The following TSHR variants were observed in gnomAD, a reference collection of about 807,000 sequenced individuals.
TSHR encodes the protein thyrotropin receptor.
In TSHR, 51 loss-of-function variants were observed where a neutral mutation model predicts 64.1. That is an observed-to-expected ratio of 0.80 (90% CI 0.64 to 1.01). The LOEUF (loss-of-function observed/expected upper bound fraction) is 1.01, where lower values mean the gene tolerates loss of function less well. Ranked by LOEUF, TSHR falls within the 50% of genes least tolerant of loss-of-function variation. The pLI, the probability that TSHR is intolerant of heterozygous loss-of-function variation, is 0.00. For missense variants in TSHR, 877 were observed against 942.8 expected, an observed-to-expected ratio of 0.93 and a Z score of 0.91; for synonymous variants, 361 against 361.9, an observed-to-expected ratio of 1.00 and a Z score of 0.03.
At chr14:81,087,293 A>G (rs1888355357) in intron 3 of TSHR, among the ~76,000 whole-genome samples, 1 of 152,258 alleles carries the variant, frequency 6.6e-6, no homozygotes, top group Non-Finnish European at 1.5e-5. Flanking sequence ...TTAACCAGTG[A>G]GAGTTCATTT....
intron 8 of TSHR, among the ~76,000 whole-genome samples, chr14:81,138,807 T>A (rs75310282): frequency 0.025 from 3,766 of 152,288 alleles, 66 homozygotes; most frequent in South Asian, 0.049. Context: ...ATATTTTAAT[T>A]GACAAAATAT....
chr14:81,113,017 T>C (rs931791943), intron 8 of TSHR, among the ~76,000 whole-genome samples: 1 of 152,128 alleles, frequency 6.6e-6, no homozygotes, highest in Non-Finnish European at 1.5e-5. Flanking sequence ...GGGGAAGCCA[T>C]AGGAGCATTT....
intron 6 of TSHR, 134 bp from the exon 7 acceptor site, chr14:81,096,505 T>C (rs1889200440): frequency 1.2e-6 from 1 of 810,082 alleles, no homozygotes; most frequent in South Asian, 1.5e-5. Flanking sequence ...AGTTTTCTTG[T>C]GGGATACATA....
At chr14:81,033,187 A>C (rs1186048592) in intron 1 of TSHR, 1 of 442,170 alleles carries the variant, frequency 2.3e-6, no homozygotes, top group Non-Finnish European at 4.4e-6. Context: ...TGAATGGATC[A>C]CTAATGATAT....
chr14:80,996,712 G>A (rs948567785), intron 1 of TSHR, among the ~76,000 whole-genome samples: 2 of 152,036 alleles, frequency 1.3e-5, no homozygotes, highest in Admixed American at 1.3e-4. Flanking sequence ...AGTGGGGGAG[G>A]GGGGACTCTC....
At chr14:81,135,526 A>C (rs1891417365) in intron 8 of TSHR, among the ~76,000 whole-genome samples, 1 of 152,220 alleles carries the variant, frequency 6.6e-6, no homozygotes, top group Non-Finnish European at 1.5e-5. Context: ...GGTGGTAGCA[A>C]TGAGAACCAT....
intron 8 of TSHR, among the ~76,000 whole-genome samples, chr14:81,130,763 G>T (rs1367905159): frequency 1.1e-5 from 1 of 90,762 alleles, no homozygotes; most frequent in Non-Finnish European, 1.9e-5. Flanking sequence ...AGGCCGAGGC[G>T]GGTGGATCAT....
chr14:81,054,435 C>T (rs1358371301), intron 1 of TSHR, among the ~76,000 whole-genome samples: 5 of 152,140 alleles, frequency 3.3e-5, no homozygotes, highest in Admixed American at 6.6e-5. Flanking sequence ...AATGTGGAAG[C>T]GACTTTGGAA....
At chr14:81,075,239 G>A (rs186097020) in intron 3 of TSHR, among the ~76,000 whole-genome samples, 1 of 152,142 alleles carries the variant, frequency 6.6e-6, no homozygotes, top group African/African-American at 2.4e-5. Flanking sequence ...CACCTTGTTT[G>A]CATCCCTCCC....
chr14:81,103,731 ACATT>A lies in TSHR; in HGVS notation c.615-4639_615-4636del. On this transcript the variant is annotated intron_variant, in intron 7 of 9. Coordinates refer to ENST00000298171, the MANE Select transcript of TSHR (RefSeq NM_000369.5). The surrounding 1 kb of genome is among the most constrained non-coding windows in gnomAD (Gnocchi z 4.1). Reference sequence around the variant, plus strand: ...TGTACTTGGTCACAAGTTAAGTCACACATTCATTGTTTGGAATTTCTTTTCCATC... The same window carrying A: ...TGTACTTGGTCACAAGTTAAGTCACACATTGTTTGGAATTTCTTTTCCATC... The A allele has an allele frequency of 1.0e-6, 1 of 985,476 alleles. No individual in the cohort carries two copies. Among genetic ancestry groups the A allele is most frequent in the Non-Finnish European group, 1.2e-6 (1 of 829,944 alleles). The allele number at this position is 985,476 out of a possible 1,614,324, so 61.0% of individuals were successfully genotyped here.
At chr14:81,017,376 C>T (rs1883468730) in intron 1 of TSHR, among the ~76,000 whole-genome samples, 1 of 152,088 alleles carries the variant, frequency 6.6e-6, no homozygotes, top group Non-Finnish European at 1.5e-5. Context: ...GCCACAGGGA[C>T]CTCAGTAGAG....
intron 1 of TSHR, among the ~76,000 whole-genome samples, chr14:80,991,295 C>A (rs1888714938): frequency 6.6e-6 from 1 of 152,134 alleles, no homozygotes; most frequent in South Asian, 2.1e-4. Flanking sequence ...TTCTTTCAGA[C>A]AAGTGGTTTT....
chr14:80,965,606 A>C (rs80119298), intron 1 of TSHR, among the ~76,000 whole-genome samples: 2,429 of 152,030 alleles, frequency 0.016, 26 homozygotes, highest in Middle Eastern at 0.048. Context: ...ATACTTAATT[A>C]CTCTCTTTCA....
intron 1 of TSHR, among the ~76,000 whole-genome samples, chr14:80,985,294 T>C (rs1413742444): frequency 6.6e-6 from 1 of 152,214 alleles, no homozygotes; most frequent in African/African-American, 2.4e-5. Flanking sequence ...TTTTCCTCCT[T>C]GCAAAATCAT....
rs138212208 is a variant in TSHR at position 80,976,356 on chromosome 14, G to T, written c.170+20506G>T. On this transcript the variant is annotated intron_variant, in intron 1 of 9. Transcript: ENST00000298171. ...AAGCTTGAAAGAGGTAACTTAGGGA[G>T]TAGTCTGACCCCTGTTGCAGCGGTT... 1.3e-3 allele frequency among the ~76,000 whole-genome samples: 199 copies of T among 152,320 alleles called. 2 individuals are homozygous for T. The highest frequency in any genetic ancestry group is 9.5e-3 in the East Asian group (49 of 5,184).
At chr14:81,110,888 G>T (rs1290274803) in intron 8 of TSHR, among the ~76,000 whole-genome samples, 1 of 151,928 alleles carries the variant, frequency 6.6e-6, no homozygotes, top group African/African-American at 2.4e-5. Flanking sequence ...AGCCAAAAGG[G>T]TTAAAAATAA....
intron 1 of TSHR, chr14:81,014,339 T>A (rs1890068026): frequency 1.3e-5 from 2 of 152,198 alleles, no homozygotes; most frequent in African/African-American, 4.8e-5. Context: ...CCTGGCTAAT[T>A]CACATGATGC....
intron 1 of TSHR, chr14:81,033,304 A>G: frequency 2.4e-6 from 1 of 414,718 alleles, no homozygotes; most frequent in Non-Finnish European, 4.7e-6. Context: ...GTACAGCTCC[A>G]AGAGTGAAGA....
At chr14:80,983,811 A>G (rs1322550145) in intron 1 of TSHR, among the ~76,000 whole-genome samples, 1 of 152,228 alleles carries the variant, frequency 6.6e-6, no homozygotes, top group African/African-American at 2.4e-5. Context: ...TTTTGGGGGT[A>G]TCAGATGAAT....
Sources: gnomAD v4.1 joint callset for allele counts (sites outside exome capture counted in the v4.1 genomes callset) on GRCh38, gnomAD v4.1.1 for gene constraint, Gnocchi (gnomAD v3.1) non-coding constraint, MANE v1.5 for transcripts, NCBI Gene and HGNC (gene_info 2026-07-23, HGNC 2026-07-21) for gene names.